ELAPOR1: variants seen among roughly 807,000 people sequenced by gnomAD.
ELAPOR1 encodes endosome/lysosome-associated apoptosis and autophagy regulator 1.
A neutral mutation model predicts 119.7 loss-of-function variants in ELAPOR1; 77 were observed. The ratio of observed to expected loss-of-function variants is 0.64; its 90% CI spans 0.54 to 0.78. The LOEUF (loss-of-function observed/expected upper bound fraction) is 0.78, where lower values mean the gene tolerates loss of function less well. Ranked by LOEUF, ELAPOR1 falls within the 30% of genes least tolerant of loss-of-function variation. The pLI is 0.00. For missense variants in ELAPOR1, 1,115 were observed against 1,270.4 expected (o/e 0.88, Z 1.86); for synonymous variants, 481 against 487.2 (o/e 0.99, Z 0.17).
intron 1 of ELAPOR1, among the ~76,000 whole-genome samples, chr1:109,143,853 G>T (rs555306684): frequency 1.3e-5 from 2 of 151,280 alleles, no homozygotes; most frequent in Admixed American, 6.6e-5. Context: ...TAGAGACAGG[G>T]TTTCGCCATG....
intron 2 of ELAPOR1, 94 bp from the exon 3 acceptor site, chr1:109,164,405 A>G: frequency 9.3e-7 from 1 of 1,073,488 alleles, no homozygotes. Context: ...CTAGACCCCA[A>G]CCCAGCGCTC....
rs1408818025 is a variant in ELAPOR1, at chr1:109,200,165, G to A, written c.2735G>A (p.Gly912Asp). ...CKTIDFWLKV[G>D]ISAGTCTAIL... is the part of the protein sequence containing the mutation. ...ACCATAGATTTCTGGCTGAAAGTGG[G>A]CATCTCTGCAGGCACCTGTACTGCC... is the stretch of plus-strand genomic sequence containing the variant. Residue 912 changes from glycine to aspartate, a missense_variant, in exon 20 of 22, where the codon GGC (glycine) becomes GAC (aspartate). Coordinates refer to ENST00000369939, the MANE Select transcript of ELAPOR1 (RefSeq NM_020775.5). 6.2e-7 allele frequency: 1 copy of A among 1,614,212 alleles called. No homozygotes were observed. The highest frequency in any genetic ancestry group is 8.5e-7 in the Non-Finnish European group (1 of 1,180,042).
At chr1:109,177,282 C>T (rs1217502202) in intron 7 of ELAPOR1, among the ~76,000 whole-genome samples, 17 of 146,138 alleles carry the variant, frequency 1.2e-4, no homozygotes, top group Non-Finnish European at 2.0e-4. Context: ...CGGGCAGAGA[C>T]GCTCCTCACT....
Position 109,200,861 on chromosome 1 carries a change from G to T in ELAPOR1, c.2934G>T (p.Lys978Asn), listed in dbSNP as rs1471581967. The T allele has an allele frequency of 1.2e-6, 2 of 1,614,070 alleles. No individual in the cohort carries two copies. The highest frequency in any genetic ancestry group is 1.7e-6 in the Non-Finnish European group (2 of 1,180,020). Residue 978 changes from lysine to asparagine, a missense_variant, in exon 21 of 22, where the codon AAG becomes AAT. Physicochemically the swap from Lys to Asn is moderately conservative, Grantham distance 94. Transcript: ENST00000369939. Reference sequence around the variant, plus strand: ...AGGACGACCTCATCTTTACCAGCAAGAAGTCACTCTTTGGGAAGATCAAAT... The same window carrying T: ...AGGACGACCTCATCTTTACCAGCAATAAGTCACTCTTTGGGAAGATCAAAT... ...DVEDDLIFTSKKSLFGKIKSF... is the reference protein window; with the variant it reads ...DVEDDLIFTSNKSLFGKIKSF...
In ELAPOR1 at chr1:109,171,853, T is replaced by C; in HGVS notation, c.468-13T>C. On this transcript the variant is annotated splice_polypyrimidine_tract_variant and intron_variant, in intron 3 of 21. Transcript: ENST00000369939. Reference sequence around the variant, plus strand: ...TGCTCCTGCCTGTGAACCTGGTTCCTGTTCCTTCACAGGTCCAAGTGGGTT... The same window carrying C: ...TGCTCCTGCCTGTGAACCTGGTTCCCGTTCCTTCACAGGTCCAAGTGGGTT... 2 of 1,614,022 alleles carry C rather than the reference T, an allele frequency of 1.2e-6. No homozygotes were observed. The highest frequency in any genetic ancestry group is 1.7e-5 in the Admixed American group (1 of 60,008).
At chr1:109,122,619 C>T (rs1648513224) in intron 1 of ELAPOR1, among the ~76,000 whole-genome samples, 1 of 152,088 alleles carries the variant, frequency 6.6e-6, no homozygotes, top group Non-Finnish European at 1.5e-5. Flanking sequence ...CGTGATCAAG[C>T]CACTACTCTC....
intron 7 of ELAPOR1, among the ~76,000 whole-genome samples, chr1:109,178,780 T>C (rs933293285): frequency 1.1e-4 from 17 of 150,928 alleles, no homozygotes; most frequent in Non-Finnish European, 2.5e-4. Context: ...GCCTGGCCAA[T>C]ATGGTAAAAC....
Position 109,203,039 on chromosome 1 carries a change from C to G in ELAPOR1, c.*27C>G. On this transcript the variant is annotated 3_prime_UTR_variant, in exon 22 of 22. Transcript: ENST00000369939. ...AGGCACTGCCTGCCTCACCTGCCTCCTCACCTTGCATAGCACCTTTGCAAG... is the reference window on the plus strand; with the variant it reads ...AGGCACTGCCTGCCTCACCTGCCTCGTCACCTTGCATAGCACCTTTGCAAG... 6.5e-7 allele frequency: 1 copy of G among 1,533,182 alleles called. No homozygotes were observed. The highest frequency in any genetic ancestry group is 9.0e-7 in the Non-Finnish European group (1 of 1,108,154). 95.0% of individuals were successfully genotyped at this position (1,533,182 alleles called of 1,614,324 possible). A position where few individuals can be genotyped will look rare whatever the true frequency, so the allele number is the denominator to read the frequency against.
In ELAPOR1 at chr1:109,173,695, C is replaced by T. The variant is rs1652066095; in HGVS notation, c.810C>T (p.Ala270=). 1 of 1,613,994 alleles carries T rather than the reference C, an allele frequency of 6.2e-7. No homozygotes were observed. Among genetic ancestry groups the T allele is most frequent in the Admixed American group, 1.7e-5 (1 of 59,994 alleles). ...LVRNIAITGV[A]YTSECFPCKP... ...GCTCTTCCTCCTCCCTAGGGGTGGC[C>T]TACACTTCAGAATGCTTCCCCTGCA... The change falls in exon 7 of 22, where the codon GCC becomes GCT. Residue 270 remains alanine (A), a synonymous_variant. Coordinates refer to ENST00000369939, the MANE Select transcript of ELAPOR1 (RefSeq NM_020775.5).
Position 109,205,831 on chromosome 1 carries a change from T to C in ELAPOR1, c.*2819T>C, listed in dbSNP as rs1654455926. 6.6e-6 allele frequency: 1 copy of C among 152,238 alleles called. No individual in the cohort carries two copies. The highest frequency in any genetic ancestry group is 6.5e-5 in the Admixed American group (1 of 15,288). The allele number at this position is 152,238 out of a possible 1,614,324, so 9.4% of individuals were successfully genotyped here. ...TGCCCTGTGACCTGTCAGGAACTCC[T>C]GAGTTACGCTACTGGGGTCACCTGT... On this transcript the variant is annotated 3_prime_UTR_variant, in exon 22 of 22. Coordinates refer to ENST00000369939, the MANE Select transcript of ELAPOR1 (RefSeq NM_020775.5).
Position 109,188,355 on chromosome 1 carries a change from G to A in ELAPOR1, c.1219+1G>A, listed in dbSNP as rs1653198041. 1 of 1,608,706 alleles carries A rather than the reference G, an allele frequency of 6.2e-7. No individual in the cohort carries two copies. The highest frequency in any genetic ancestry group is 8.5e-7 in the Non-Finnish European group (1 of 1,175,700). ...TATGGTTCCTACTCCAATGGCTCAG[G>A]TAACCTCCTCACCACCCCACTCTCT... On this transcript the variant is annotated splice_donor_variant, in intron 9 of 21. Coordinates refer to ENST00000369939, the MANE Select transcript of ELAPOR1 (RefSeq NM_020775.5). LOFTEE classifies it high-confidence loss of function.
At chr1:109,177,214 G>A (rs1386347748) in intron 7 of ELAPOR1, among the ~76,000 whole-genome samples, 8 of 148,390 alleles carry the variant, frequency 5.4e-5, no homozygotes, top group African/African-American at 2.0e-4. Flanking sequence ...TCCTGGACGG[G>A]GCGGCTGGCC....
intron 8 of ELAPOR1, chr1:109,186,875 A>G (rs907761396): frequency 3.0e-6 from 3 of 985,472 alleles, no homozygotes; most frequent in Non-Finnish European, 3.6e-6. Context: ...TGGCCTGACC[A>G]CTGCCGGGGC....
chr1:109,180,328 C>T (rs1221763325), intron 7 of ELAPOR1, among the ~76,000 whole-genome samples: 4 of 152,142 alleles, frequency 2.6e-5, no homozygotes, highest in Non-Finnish European at 4.4e-5. Flanking sequence ...TTATCTGTGC[C>T]TCCGTTTCTT....
At chr1:109,129,549 G>A (rs116016965) in intron 1 of ELAPOR1, among the ~76,000 whole-genome samples, 2,616 of 152,212 alleles carry the variant, frequency 0.017, 66 homozygotes, top group African/African-American at 0.058. Flanking sequence ...AAAAACACAC[G>A]CAAAAAACCC....
chr1:109,198,152 A>G, intron 17 of ELAPOR1, 77 bp downstream of exon 17: 1 of 1,111,252 alleles, frequency 9.0e-7, no homozygotes, highest in Non-Finnish European at 1.4e-6. Flanking sequence ...CTCCCTCTCT[A>G]GCCACCTACT....
chr1:109,143,432 C>T (rs892343785), intron 1 of ELAPOR1, among the ~76,000 whole-genome samples: 2 of 152,040 alleles, frequency 1.3e-5, no homozygotes, highest in Non-Finnish European at 2.9e-5. Context: ...AGAATAGATT[C>T]GTGGTTGCCA....
chr1:109,194,458 G>T lies in ELAPOR1; in HGVS notation c.1985G>T (p.Arg662Leu). Residue 662 changes from arginine (R) to leucine (L), a missense_variant, in exon 15 of 22, where the codon CGC (arginine) becomes CTC (leucine). Arg to Leu is a moderately radical substitution (Grantham distance 102). Coordinates refer to ENST00000369939, the MANE Select transcript of ELAPOR1 (RefSeq NM_020775.5). ...TGCTACAACGATTGCACCTTCTCACGCAACACTCCGACCAGGACTTTCAAC... is the reference window on the plus strand; with the variant it reads ...TGCTACAACGATTGCACCTTCTCACTCAACACTCCGACCAGGACTTTCAAC... ...SLCYNDCTFSRNTPTRTFNYN... is the reference protein window; with the variant it reads ...SLCYNDCTFSLNTPTRTFNYN... 1 of 1,613,748 alleles carries T rather than the reference G, an allele frequency of 6.2e-7. No homozygotes were observed. The highest frequency in any genetic ancestry group is 1.1e-5 in the South Asian group (1 of 91,078).
rs1352750248 is a variant in ELAPOR1, at chr1:109,199,929, C to T, written c.2577C>T (p.Cys859=). ...AGAGCGCGGCTGCTTGCCCGCTCTG[C>T]TCAGTGGCTGACTACCATGCTATCG... ...LWESAAACPL[C]SVADYHAIVS... is the part of the protein sequence containing the mutation. The change falls in exon 19 of 22, where the codon TGC becomes TGT. Residue 859 remains cysteine, a synonymous_variant. Coordinates refer to ENST00000369939, the MANE Select transcript of ELAPOR1 (RefSeq NM_020775.5). 1 of 1,613,938 alleles carries T rather than the reference C, an allele frequency of 6.2e-7. No homozygotes were observed. Among genetic ancestry groups the T allele is most frequent in the Admixed American group, 1.7e-5 (1 of 60,012 alleles).
Sources: gnomAD v4.1 joint callset for allele counts (sites outside exome capture counted in the v4.1 genomes callset) on GRCh38, gnomAD v4.1.1 for gene constraint, MANE v1.5 for transcripts, NCBI Gene and HGNC (gene_info 2026-07-23, HGNC 2026-07-21) for gene names.